The following MAPRE2 variants were observed in gnomAD, a reference collection of about 807,000 sequenced individuals.
The protein encoded by MAPRE2 is microtubule-associated protein RP/EB family member 2.
In MAPRE2, 13 loss-of-function variants were observed where a neutral mutation model predicts 43.2. That is an observed-to-expected ratio of 0.30 (90% CI 0.20 to 0.48). The LOEUF (loss-of-function observed/expected upper bound fraction) is 0.48, where lower values mean the gene tolerates loss of function less well. Ranked by LOEUF, MAPRE2 falls within the 20% of genes least tolerant of loss-of-function variation. The pLI is 0.99. For synonymous variants in MAPRE2, 135 were observed against 148.8 expected (o/e 0.91, Z 0.68); for missense variants, 161 against 400.2 (o/e 0.40, Z 5.10).
At chr18:35,087,349 C>T (rs561804032) in intron 2 of MAPRE2, among the ~76,000 whole-genome samples, 1 of 152,198 alleles carries the variant, frequency 6.6e-6, no homozygotes, top group East Asian at 1.9e-4. Context: ...AGAGTATATC[C>T]CATCATAATT....
At chr18:35,018,338 G>T (rs942253108) in intron 2 of MAPRE2, among the ~76,000 whole-genome samples, 1 of 151,702 alleles carries the variant, frequency 6.6e-6, no homozygotes, top group Non-Finnish European at 1.5e-5. Context: ...TTAGGGAAGA[G>T]GTCTTCTTCC....
At chr18:35,140,217 C>A in intron 6 of MAPRE2, 78 bp from the exon 7 acceptor site, 2 of 1,267,200 alleles carry the variant, frequency 1.6e-6, no homozygotes, top group Non-Finnish European at 1.1e-6. Flanking sequence ...GCCATGCTGG[C>A]AGTGGCAATG....
At chr18:35,022,910 A>G (rs1024239213) in intron 2 of MAPRE2, among the ~76,000 whole-genome samples, 1 of 152,228 alleles carries the variant, frequency 6.6e-6, no homozygotes. Flanking sequence ...AGTAACCACT[A>G]GAATAATTAA....
intron 4 of MAPRE2, among the ~76,000 whole-genome samples, chr18:35,118,391 C>T (rs1443990740): frequency 3.3e-5 from 5 of 152,204 alleles, no homozygotes; most frequent in African/African-American, 1.2e-4. Flanking sequence ...TAGCACATGC[C>T]ATTGATCACA....
At chr18:35,007,544 A>G (rs1215187882) in intron 2 of MAPRE2, among the ~76,000 whole-genome samples, 2 of 152,244 alleles carry the variant, frequency 1.3e-5, no homozygotes, top group African/African-American at 2.4e-5. Flanking sequence ...ACACATAAAG[A>G]GATGGCCTTG....
At chr18:35,121,383 A>G (rs1909658936) in intron 4 of MAPRE2, among the ~76,000 whole-genome samples, 1 of 152,214 alleles carries the variant, frequency 6.6e-6, no homozygotes, top group Non-Finnish European at 1.5e-5. Context: ...TTAAGACACA[A>G]CTGCTCAAAG....
intron 6 of MAPRE2, among the ~76,000 whole-genome samples, chr18:35,135,159 A>C (rs1416696659): frequency 6.6e-6 from 1 of 152,238 alleles, no homozygotes; most frequent in Admixed American, 6.5e-5. Context: ...TCCAAAAGAG[A>C]CACATCAGGC....
intron 1 of MAPRE2, among the ~76,000 whole-genome samples, chr18:35,050,472 TTTCA>T (rs942591963): frequency 1.3e-5 from 2 of 152,238 alleles, no homozygotes; most frequent in African/African-American, 4.8e-5. Flanking sequence ...GGAGATTTTG[TTTCA>T]TTTTCTCCAG....
intron 6 of MAPRE2, among the ~76,000 whole-genome samples, chr18:35,135,516 C>A (rs976175494): frequency 6.6e-6 from 1 of 152,182 alleles, no homozygotes; most frequent in Admixed American, 6.5e-5. Flanking sequence ...AGCACATAGC[C>A]AGTCCTACAC....
intron 2 of MAPRE2, among the ~76,000 whole-genome samples, chr18:35,012,927 G>C (rs2097035694): frequency 6.6e-6 from 1 of 152,132 alleles, no homozygotes; most frequent in African/African-American, 2.4e-5. Context: ...ACTACAATGT[G>C]AAAGTGAGAG....
rs77461988 is a variant in MAPRE2 at position 34,984,367 on chromosome 18, T to C, written c.-70+7288T>C. 36 of 152,284 alleles carry C rather than the reference T, an allele frequency of 2.4e-4. No individual in the cohort carries two copies. In the East Asian group the frequency reaches 4.6e-3, roughly 20 times the overall value. The allele number at this position is 152,284 out of a possible 1,614,324, so 9.4% of individuals were successfully genotyped here. ...TAATAGAGCAACTTTAAGAGTTATA[T>C]ATAACTGGTGTTCTCTTCACCCCTT... On this transcript the variant is annotated intron_variant, in intron 1 of 7. Transcript: ENST00000413393.
chr18:35,080,025 C>T (rs114380319), intron 2 of MAPRE2, among the ~76,000 whole-genome samples: 4,374 of 152,268 alleles, frequency 0.029, 201 homozygotes, highest in African/African-American at 0.1. Flanking sequence ...TTATTTCCAT[C>T]TAGAAAAGCT....
intron 1 of MAPRE2, among the ~76,000 whole-genome samples, chr18:35,058,494 A>T (rs1416776091): frequency 6.6e-6 from 1 of 152,248 alleles, no homozygotes; most frequent in Non-Finnish European, 1.5e-5. Flanking sequence ...AATTATAAGC[A>T]GTATAATGTA....
intron 6 of MAPRE2, among the ~76,000 whole-genome samples, chr18:35,139,632 C>T (rs781306350): frequency 2.0e-5 from 3 of 152,240 alleles, no homozygotes; most frequent in Non-Finnish European, 4.4e-5. Flanking sequence ...AGCTAAAGCT[C>T]CTGAGCTCCC....
In MAPRE2 at chr18:34,998,529, G is replaced by A. The variant is rs1056528335; in HGVS notation, c.-69-6963G>A. 7.9e-5 allele frequency among the ~76,000 whole-genome samples: 12 copies of A among 151,614 alleles called. No homozygotes were observed. The East Asian group carries it at 1.4e-3, about 17-fold the overall frequency. ...TTTTTAGTAGAGACGGGGTTTCACC[G>A]TGTTAGCCAGGATGGTCTCGATCTC... On this transcript the variant is annotated intron_variant, in intron 1 of 7. Transcript: ENST00000413393.
chr18:35,037,893 T>C (rs2097051513), upstream of MAPRE2, among the ~76,000 whole-genome samples: 2 of 152,152 alleles, frequency 1.3e-5, no homozygotes, highest in African/African-American at 2.4e-5. Flanking sequence ...GTGGGGCTTA[T>C]AGGAGCACAA....
intron 2 of MAPRE2, among the ~76,000 whole-genome samples, chr18:35,009,526 C>G (rs537221367): frequency 1.3e-5 from 2 of 152,170 alleles, no homozygotes; most frequent in Non-Finnish European, 2.9e-5. Context: ...TAAGGCACAG[C>G]CTTCATCATC....
At chr18:34,984,604 T>G (rs1285965146) in intron 1 of MAPRE2, 4 of 151,408 alleles carry the variant, frequency 2.6e-5, no homozygotes, top group Non-Finnish European at 2.9e-5. Context: ...TAACCCCTAG[T>G]GCTTCTGATG....
At chr18:35,087,464 G>A (rs1404897511) in intron 2 of MAPRE2, among the ~76,000 whole-genome samples, 2 of 152,080 alleles carry the variant, frequency 1.3e-5, no homozygotes, top group East Asian at 3.8e-4. Context: ...TGCAGACTTG[G>A]TCTCTAGGGT....
Sources: allele counts gnomAD v4.1 joint callset (sites outside exome capture counted in the v4.1 genomes callset), GRCh38; gene constraint gnomAD v4.1.1; transcripts MANE v1.5; gene names NCBI Gene and HGNC (gene_info 2026-07-23, HGNC 2026-07-21).